PTPRD: variants seen among roughly 807,000 people sequenced by gnomAD.
The protein encoded by PTPRD is protein tyrosine phosphatase receptor type D.
A neutral mutation model predicts 214.5 loss-of-function variants in PTPRD; 34 were observed. That is an observed-to-expected ratio of 0.16 (90% CI 0.12 to 0.21). The LOEUF is 0.21. Among genes scored for constraint, PTPRD ranks in the 10% least tolerant of loss-of-function variants. The pLI is 1.00. For synonymous variants in PTPRD, 1,128 were observed against 845.7 expected, an observed-to-expected ratio of 1.33 and a Z score of -5.79; for missense variants, 2,545 against 2,398.7, an observed-to-expected ratio of 1.06 and a Z score of -1.27.
At chr9:8,623,738 G>A (rs1313162871) in intron 14 of PTPRD, among the ~76,000 whole-genome samples, 2 of 151,746 alleles carry the variant, frequency 1.3e-5, no homozygotes, top group East Asian at 1.9e-4. Context: ...GACAGATGCT[G>A]AAGCTTAGAG....
chr9:10,039,692 G>C (rs1035328634), intron 3 of PTPRD, among the ~76,000 whole-genome samples: 1 of 150,792 alleles, frequency 6.6e-6, no homozygotes, highest in East Asian at 2.0e-4. Context: ...AAAAACAAAG[G>C]GGTATGATTG....
At chr9:10,361,080 C>A (rs947966120) in intron 2 of PTPRD, among the ~76,000 whole-genome samples, 2 of 152,022 alleles carry the variant, frequency 1.3e-5, no homozygotes, top group African/African-American at 2.4e-5. Context: ...CCAGCCTGGG[C>A]GACAGCGAGA....
At chr9:9,072,156 T>A (rs1046831972) in intron 10 of PTPRD, among the ~76,000 whole-genome samples, 3 of 152,140 alleles carry the variant, frequency 2.0e-5, no homozygotes, top group Non-Finnish European at 4.4e-5. Flanking sequence ...AACAACATTT[T>A]AAAAACACCA....
intron 3 of PTPRD, among the ~76,000 whole-genome samples, chr9:10,227,241 T>C (rs1044131627): frequency 1.3e-5 from 2 of 152,012 alleles, no homozygotes; most frequent in East Asian, 1.9e-4. Context: ...TGAAATTGCA[T>C]GTTGAAAATT....
At chr9:8,600,007 A>T (rs2094738084) in intron 14 of PTPRD, among the ~76,000 whole-genome samples, 1 of 152,172 alleles carries the variant, frequency 6.6e-6, no homozygotes, top group South Asian at 2.1e-4. Context: ...GCACTGAAGA[A>T]GGTAGAAAAG....
At chr9:10,516,849 T>C (rs979255407) in intron 2 of PTPRD, among the ~76,000 whole-genome samples, 1 of 152,008 alleles carries the variant, frequency 6.6e-6, no homozygotes. Flanking sequence ...CAATCTTGTA[T>C]GCTTGGTAAC....
At chr9:8,812,399 T>C (rs1483264304) in intron 11 of PTPRD, among the ~76,000 whole-genome samples, 4 of 152,202 alleles carry the variant, frequency 2.6e-5, no homozygotes, top group African/African-American at 4.8e-5. Context: ...AATAGTTGGG[T>C]AAAGTTTCCA....
At chr9:9,970,124 T>C (rs1181385515) in intron 4 of PTPRD, among the ~76,000 whole-genome samples, 1 of 152,104 alleles carries the variant, frequency 6.6e-6, no homozygotes, top group African/African-American at 2.4e-5. Flanking sequence ...TTATTAAGGA[T>C]AATGAGGAAC....
intron 7 of PTPRD, among the ~76,000 whole-genome samples, chr9:9,697,536 TAAG>T (rs997743661): frequency 6.6e-6 from 1 of 152,138 alleles, no homozygotes; most frequent in Non-Finnish European, 1.5e-5. Context: ...TATTTTCTAA[TAAG>T]AAGTCTGTTG....
intron 9 of PTPRD, among the ~76,000 whole-genome samples, chr9:9,302,890 C>G (rs1229763670): frequency 6.6e-6 from 1 of 151,838 alleles, no homozygotes; most frequent in Non-Finnish European, 1.5e-5. Context: ...TTCTGCAAAT[C>G]TCTAGCACCC....
chr9:10,012,335 T>A (rs1256472430), intron 4 of PTPRD, among the ~76,000 whole-genome samples: 3 of 151,504 alleles, frequency 2.0e-5, no homozygotes, highest in South Asian at 2.1e-4. Context: ...AGAAAAAAAA[T>A]TAGCTAAAAA....
intron 33 of PTPRD, chr9:8,454,464 G>C: frequency 1.0e-6 from 1 of 984,042 alleles, no homozygotes; most frequent in African/African-American, 1.6e-5. Flanking sequence ...CATCTTCCAC[G>C]TGCCAGGTAT....
chr9:9,317,742 G>A (rs886582608), intron 9 of PTPRD, among the ~76,000 whole-genome samples: 5 of 151,996 alleles, frequency 3.3e-5, no homozygotes, highest in Non-Finnish European at 7.4e-5. Flanking sequence ...TTTACCTGAA[G>A]CACAAAGCCA....
chr9:9,190,028 G>C (rs2099934129), intron 9 of PTPRD, among the ~76,000 whole-genome samples: 1 of 152,058 alleles, frequency 6.6e-6, no homozygotes, highest in Admixed American at 6.6e-5. Flanking sequence ...TCTGAGTGAG[G>C]ACAGCATGAG....
chr9:10,321,424 T>C (rs897490883), intron 3 of PTPRD, among the ~76,000 whole-genome samples: 16 of 152,000 alleles, frequency 1.1e-4, no homozygotes, highest in African/African-American at 2.6e-4. Flanking sequence ...GAAAACAGAA[T>C]TATAAAGAAG....
At chr9:9,322,273 T>C in intron 9 of PTPRD, among the ~76,000 whole-genome samples, 1 of 152,208 alleles carries the variant, frequency 6.6e-6, no homozygotes, top group Non-Finnish European at 1.5e-5. Flanking sequence ...TTTGGAACGA[T>C]AAAAGCTACT....
At chr9:10,274,893 G>A (rs2094594902) in intron 3 of PTPRD, among the ~76,000 whole-genome samples, 1 of 152,088 alleles carries the variant, frequency 6.6e-6, no homozygotes, top group Admixed American at 6.6e-5. Flanking sequence ...TAATGACGGT[G>A]GAATAGATGG....
intron 11 of PTPRD, among the ~76,000 whole-genome samples, chr9:9,011,907 G>A (rs1012021337): frequency 3.3e-5 from 5 of 152,108 alleles, no homozygotes; most frequent in Admixed American, 6.6e-5. Flanking sequence ...CCCACTGAGT[G>A]TGGGCAGGAC....
At chr9:10,150,140 C>T (rs139311411) in intron 3 of PTPRD, among the ~76,000 whole-genome samples, 3,509 of 151,982 alleles carry the variant, frequency 0.023, 72 homozygotes, top group African/African-American at 0.052. Context: ...TCAGAAATTC[C>T]GAATATTTAT....
Sources: gnomAD v4.1 joint callset for allele counts (sites outside exome capture counted in the v4.1 genomes callset) on GRCh38, gnomAD v4.1.1 for gene constraint, MANE v1.5 for transcripts, NCBI Gene and HGNC (gene_info 2026-07-23, HGNC 2026-07-21) for gene names.